SPRYD4: variants seen among roughly 807,000 people sequenced by gnomAD.
SPRYD4 encodes SPRY domain containing 4, also known as SPRY domain-containing protein 4.
SPRYD4 carries 12 observed loss-of-function variants against 16.6 expected under a neutral mutation model. The ratio of observed to expected loss-of-function variants is 0.72; its 90% CI spans 0.46 to 1.17. The LOEUF (loss-of-function observed/expected upper bound fraction) is 1.17, where lower values mean the gene tolerates loss of function less well. Among genes scored for constraint, SPRYD4 ranks in the 50% most tolerant of loss-of-function variants. The pLI, the probability that SPRYD4 is intolerant of heterozygous loss-of-function variation, is 0.00. For missense variants in SPRYD4, 260 were observed against 260.2 expected (o/e 1.00, Z 0.00); for synonymous variants, 98 against 105.4 (o/e 0.93, Z 0.43).
At chr12:56,468,708 C>T in intron 1 of SPRYD4, 32 bp downstream of exon 1, 1 of 1,596,498 alleles carries the variant, frequency 6.3e-7, no homozygotes, top group Non-Finnish European at 8.6e-7. Context: ...CTTTTACCTC[C>T]AGAATGGCTG....
rs777009269 is a variant in SPRYD4, at chr12:56,471,793, C to T, written c.*2216C>T. On this transcript the variant is annotated 3_prime_UTR_variant, in exon 2 of 2. Coordinates refer to ENST00000338146, the MANE Select transcript of SPRYD4 (RefSeq NM_207344.4). ...CTCACCTGTCCTTGGCAAAAGGATT[C>T]ACTTTGCAAGCCTCGATCAGGAATT... 1.2e-4 allele frequency: 192 copies of T among 1,613,998 alleles called. No homozygotes were observed. Among genetic ancestry groups the T allele is most frequent in the Middle Eastern group, 1.7e-4 (1 of 6,058 alleles).
intron 1 of SPRYD4, 105 bp downstream of exon 1, chr12:56,468,781 C>T: frequency 1.6e-6 from 2 of 1,268,910 alleles, no homozygotes. Flanking sequence ...TCTTTTCCTT[C>T]CCCACCTGCC....
Position 56,474,649 on chromosome 12 carries a change from G to A in SPRYD4, c.*5072G>A. 1 of 1,614,050 alleles carries A rather than the reference G, an allele frequency of 6.2e-7. No homozygotes were observed. The highest frequency in any genetic ancestry group is 8.5e-7 in the Non-Finnish European group (1 of 1,179,936). On this transcript the variant is annotated 3_prime_UTR_variant, in exon 2 of 2. Transcript: ENST00000338146. ...TCAGCACACTCTCGCCTGTGATGGG[G>A]CAGATCCCACCGTTGGCGAGGGTGG...
In SPRYD4 at chr12:56,479,408, A is replaced by G. The variant is rs1870105549; in HGVS notation, c.*9831A>G. On this transcript the variant is annotated 3_prime_UTR_variant, in exon 2 of 2. Coordinates refer to ENST00000338146, the MANE Select transcript of SPRYD4 (RefSeq NM_207344.4). ...GACACTATGTCTTGGGATATGAGAAAAAAAATAAATACCAGAATAATATGT... is the reference window on the plus strand; with the variant it reads ...GACACTATGTCTTGGGATATGAGAAGAAAAATAAATACCAGAATAATATGT... 1 of 496,446 alleles carries G rather than the reference A, an allele frequency of 2.0e-6. No homozygotes were observed. Among genetic ancestry groups the G allele is most frequent in the South Asian group, 4.0e-5 (1 of 25,158 alleles). The allele number at this position is 496,446 out of a possible 1,614,324, so 30.8% of individuals were successfully genotyped here. A position where few individuals can be genotyped will look rare whatever the true frequency, so the allele number is the denominator to read the frequency against.
Position 56,472,054 on chromosome 12 carries a change from A to G in SPRYD4, c.*2477A>G, listed in dbSNP as rs1161085878. The G allele has an allele frequency of 6.5e-7, 1 of 1,542,014 alleles. No homozygotes were observed. The highest frequency in any genetic ancestry group is 8.9e-7 in the Non-Finnish European group (1 of 1,118,464). ...CCTTGAGGGCACATATAATGAAGGT[A>G]CTTTTGGTGAAAAAGAAAGGGTCTT... On this transcript the variant is annotated 3_prime_UTR_variant, in exon 2 of 2. Coordinates refer to ENST00000338146, the MANE Select transcript of SPRYD4 (RefSeq NM_207344.4).
chr12:56,477,637 C>A lies in SPRYD4; in HGVS notation c.*8060C>A. The A allele has an allele frequency of 6.2e-7, 1 of 1,607,788 alleles. No homozygotes were observed. Among genetic ancestry groups the A allele is most frequent in the Non-Finnish European group, 8.5e-7 (1 of 1,175,782 alleles). On this transcript the variant is annotated 3_prime_UTR_variant, in exon 2 of 2. Coordinates refer to ENST00000338146, the MANE Select transcript of SPRYD4 (RefSeq NM_207344.4). ...CAGGAGCTTAGAGGATAATACCTAT[C>A]AGAAGGTTAAGGTGGCACTGACCTT...
rs1869703623 is a variant in SPRYD4, at chr12:56,475,253, G to C, written c.*5676G>C. ...TTTATAACTTCTCACAGTAATATTAGAGGAAATTTCTGAACCTGAGCAAAC... is the reference window on the plus strand; with the variant it reads ...TTTATAACTTCTCACAGTAATATTACAGGAAATTTCTGAACCTGAGCAAAC... On this transcript the variant is annotated 3_prime_UTR_variant, in exon 2 of 2. Coordinates refer to ENST00000338146, the MANE Select transcript of SPRYD4 (RefSeq NM_207344.4). 16 of 1,571,148 alleles carry C rather than the reference G, an allele frequency of 1.0e-5. No individual in the cohort carries two copies. Among genetic ancestry groups the C allele is most frequent in the Admixed American group, 3.7e-5 (2 of 54,330 alleles).
At position 56,469,073 on chromosome 12, in the gene SPRYD4, C is replaced by T. The variant is rs1175724743; in HGVS notation, c.120C>T (p.His40=). 6 of 1,579,856 alleles carry T rather than the reference C, an allele frequency of 3.8e-6. No homozygotes were observed. The highest frequency in any genetic ancestry group is 1.4e-5 in the African/African-American group (1 of 73,346). ...TCAAACTGGAAGAAAAAACCGCCCA[C>T]AGCAGCCTGGCACTCTTCAGAGATG... ...VSFKLEEKTA[H]SSLALFRDDT... is the part of the protein sequence containing the mutation. The change falls in exon 2 of 2, where the codon CAC becomes CAT. Residue 40 remains histidine, a synonymous_variant. Transcript: ENST00000338146.
In SPRYD4 at chr12:56,478,200, G is replaced by A. The variant is rs1869993969; in HGVS notation, c.*8623G>A. 1.9e-6 allele frequency: 3 copies of A among 1,614,108 alleles called. No homozygotes were observed. Among genetic ancestry groups the A allele is most frequent in the Middle Eastern group, 1.6e-4 (1 of 6,084 alleles). ...CATCTCACCGTTGACCATCCACAGT[G>A]CACAGGGAGACACCCCACAGGTCTG... On this transcript the variant is annotated 3_prime_UTR_variant, in exon 2 of 2. Coordinates refer to ENST00000338146, the MANE Select transcript of SPRYD4 (RefSeq NM_207344.4).
chr12:56,475,230 T>C lies in SPRYD4; in HGVS notation c.*5653T>C, dbSNP rs1326438598. On this transcript the variant is annotated 3_prime_UTR_variant, in exon 2 of 2. Coordinates refer to ENST00000338146, the MANE Select transcript of SPRYD4 (RefSeq NM_207344.4). ...ACACCACAAACTAAATGAACCCCTT[T>C]ATAACTTCTCACAGTAATATTAGAG... 1.9e-6 allele frequency: 3 copies of C among 1,595,914 alleles called. No homozygotes were observed. The highest frequency in any genetic ancestry group is 8.5e-7 in the Non-Finnish European group (1 of 1,177,108).
chr12:56,471,818 T>C lies in SPRYD4; in HGVS notation c.*2241T>C. 6.2e-7 allele frequency: 1 copy of C among 1,614,056 alleles called. No homozygotes were observed. Among genetic ancestry groups the C allele is most frequent in the Non-Finnish European group, 8.5e-7 (1 of 1,180,014 alleles). The stretch of plus-strand genomic sequence containing the variant: ...CACTTTGCAAGCCTCGATCAGGAAT[T>C]TAACAACTTCGATGTGTCCTAGGAA... On this transcript the variant is annotated 3_prime_UTR_variant, in exon 2 of 2. Transcript: ENST00000338146.
In SPRYD4 at chr12:56,473,392, T is replaced by C; in HGVS notation, c.*3815T>C. On this transcript the variant is annotated 3_prime_UTR_variant, in exon 2 of 2. Coordinates refer to ENST00000338146, the MANE Select transcript of SPRYD4 (RefSeq NM_207344.4). ...GTAGGAGCTCAAAATTGCTTTATTA[T>C]AGTAAAAGTGGTACCATTAAACAAA... is the stretch of plus-strand genomic sequence containing the variant. 1 of 1,605,412 alleles carries C rather than the reference T, an allele frequency of 6.2e-7. No individual in the cohort carries two copies.
chr12:56,469,508 G>A lies in SPRYD4; in HGVS notation c.555G>A (p.Val185=), dbSNP rs779093000. ...TLQTDFRGPV[V]PAFALWDGEL... is the part of the protein sequence containing the mutation. ...AGACAGATTTCCGGGGTCCAGTGGT[G>A]CCTGCCTTTGCTCTCTGGGATGGGG... The change falls in exon 2 of 2, where the codon GTG becomes GTA. Residue 185 remains valine (V), a synonymous_variant. Transcript: ENST00000338146. 1.2e-6 allele frequency: 2 copies of A among 1,614,158 alleles called. No homozygotes were observed. The highest frequency in any genetic ancestry group is 1.7e-6 in the Non-Finnish European group (2 of 1,180,032).
rs780174216 is a variant in SPRYD4 at position 56,474,602 on chromosome 12, G to A, written c.*5025G>A. ...GCCGCAGGAATGCATGAGGCTGAGG[G>A]TGTTGCGCACTGCTTCAGCACTCAG... is the stretch of plus-strand genomic sequence containing the variant. On this transcript the variant is annotated 3_prime_UTR_variant, in exon 2 of 2. Transcript: ENST00000338146. The A allele has an allele frequency of 6.2e-7, 1 of 1,614,202 alleles. No homozygotes were observed. The highest frequency in any genetic ancestry group is 2.2e-5 in the East Asian group (1 of 44,888).
At position 56,469,837 on chromosome 12, in the gene SPRYD4, A is replaced by T. The variant is rs1247648961; in HGVS notation, c.*260A>T. The stretch of plus-strand genomic sequence containing the variant: ...GTATCTTCCTTGACCTGCTTCCTTC[A>T]GTCCCTCTGCCTCCCTTTGCCCAGG... On this transcript the variant is annotated 3_prime_UTR_variant, in exon 2 of 2. Coordinates refer to ENST00000338146, the MANE Select transcript of SPRYD4 (RefSeq NM_207344.4). 2.0e-6 allele frequency: 1 copy of T among 497,344 alleles called. No individual in the cohort carries two copies. Among genetic ancestry groups the T allele is most frequent in the Non-Finnish European group, 3.6e-6 (1 of 275,654 alleles). The allele number at this position is 497,344 out of a possible 1,614,324, so 30.8% of individuals were successfully genotyped here. A position where few individuals can be genotyped will look rare whatever the true frequency, so the allele number is the denominator to read the frequency against.
Position 56,471,734 on chromosome 12 carries a change from G to C in SPRYD4, c.*2157G>C. On this transcript the variant is annotated 3_prime_UTR_variant, in exon 2 of 2. Transcript: ENST00000338146. ...TGGTGGCTGGAGGGTAGGTGGAGAA[G>C]CTGTGCCCACCCTCCTCCACTTTTA... The C allele has an allele frequency of 6.2e-7, 1 of 1,612,230 alleles. No homozygotes were observed. Among genetic ancestry groups the C allele is most frequent in the Non-Finnish European group, 8.5e-7 (1 of 1,178,276 alleles).
chr12:56,476,042 A>T lies in SPRYD4; in HGVS notation c.*6465A>T. On this transcript the variant is annotated 3_prime_UTR_variant, in exon 2 of 2. Transcript: ENST00000338146. Reference sequence around the variant, plus strand: ...GAGGATGACAGAGGGAAGGGTCAGAAGGATCTAGTGGAGTTCTAGTGTTAG... The same window carrying T: ...GAGGATGACAGAGGGAAGGGTCAGATGGATCTAGTGGAGTTCTAGTGTTAG... 6.6e-7 allele frequency: 1 copy of T among 1,512,942 alleles called. No individual in the cohort carries two copies. The highest frequency in any genetic ancestry group is 9.1e-7 in the Non-Finnish European group (1 of 1,097,258). The allele number at this position is 1,512,942 out of a possible 1,614,324, so 93.7% of individuals were successfully genotyped here.
In SPRYD4 at chr12:56,472,818, C is replaced by A; in HGVS notation, c.*3241C>A. ...CCTATGCCAGCTGTGCCCTGTGACC[C>A]TCCTCCATGGATGCTTAGTCCAAGG... On this transcript the variant is annotated 3_prime_UTR_variant, in exon 2 of 2. Coordinates refer to ENST00000338146, the MANE Select transcript of SPRYD4 (RefSeq NM_207344.4). 2 of 1,338,290 alleles carry A rather than the reference C, an allele frequency of 1.5e-6. No individual in the cohort carries two copies. Among genetic ancestry groups the A allele is most frequent in the South Asian group, 1.2e-5 (1 of 85,162 alleles). 82.9% of individuals were successfully genotyped at this position (1,338,290 alleles called of 1,614,324 possible).
In SPRYD4 at chr12:56,471,097, C is replaced by G; in HGVS notation, c.*1520C>G. On this transcript the variant is annotated 3_prime_UTR_variant, in exon 2 of 2. Transcript: ENST00000338146. ...CCATGTATATAGCCATTCCCACTTC[C>G]CATATTCTGTGGATATGTACATGTG... The G allele has an allele frequency of 2.8e-6, 1 of 361,808 alleles. No homozygotes were observed. Among genetic ancestry groups the G allele is most frequent in the Non-Finnish European group, 4.9e-6 (1 of 203,316 alleles). The allele number at this position is 361,808 out of a possible 1,614,324, so 22.4% of individuals were successfully genotyped here. A position where few individuals can be genotyped will look rare whatever the true frequency, so the allele number is the denominator to read the frequency against.
Sources: allele counts gnomAD v4.1 joint callset, GRCh38; gene constraint gnomAD v4.1.1; transcripts MANE v1.5; gene names NCBI Gene and HGNC (gene_info 2026-07-23, HGNC 2026-07-21).